The following SMG1 variants were observed in gnomAD, a reference collection of about 807,000 sequenced individuals.
SMG1 encodes the protein serine/threonine-protein kinase SMG1.
SMG1 carries 22 observed loss-of-function variants against 419.9 expected under a neutral mutation model. The ratio of observed to expected loss-of-function variants is 0.05; its 90% CI spans 0.04 to 0.07. SMG1 has a LOEUF of 0.07. Ranked by LOEUF, SMG1 falls within the 10% of genes least tolerant of loss-of-function variation. The pLI is 1.00. For synonymous variants in SMG1, 1,538 were observed against 1,553.5 expected (o/e 0.99, Z 0.23); for missense variants, 3,185 against 4,342.0 (o/e 0.73, Z 7.49).
intron 45 of SMG1, 47 bp downstream of exon 45, chr16:18,837,962 TTACTC>T: frequency 1.3e-6 from 2 of 1,565,860 alleles, no homozygotes; most frequent in African/African-American, 1.4e-5. Flanking sequence ...ATGAGCATGT[TTACTC>T]TATTAATAAA....
intron 51 of SMG1, among the ~76,000 whole-genome samples, chr16:18,832,360 A>C (rs1266045705): frequency 6.6e-6 from 1 of 152,222 alleles, no homozygotes; most frequent in African/African-American, 2.4e-5. Flanking sequence ...TGAAAAATAC[A>C]ATATCCAATT....
At chr16:18,851,311 A>G (rs2650611) in intron 33 of SMG1, among the ~76,000 whole-genome samples, 74,887 of 152,168 alleles carry the variant, frequency 0.49, 18,826 homozygotes, top group Middle Eastern at 0.59. Context: ...GGAACTCTGA[A>G]GGGAGAGAGT....
intron 48 of SMG1, 86 bp downstream of exon 48, chr16:18,835,847 C>T: frequency 7.4e-7 from 1 of 1,357,966 alleles, no homozygotes; most frequent in Admixed American, 2.1e-5. Context: ...TGCAGTGAGC[C>T]AAGATCATGC....
chr16:18,814,292 A>C (rs2141094006), intron 60 of SMG1, among the ~76,000 whole-genome samples: 1 of 151,594 alleles, frequency 6.6e-6, no homozygotes, highest in Admixed American at 6.6e-5. Flanking sequence ...GGAACTACAA[A>C]TTCTTCATTT....
In SMG1 at chr16:18,836,028, G is replaced by T; in HGVS notation, c.7962C>A (p.Ala2654=). The T allele has an allele frequency of 6.3e-7, 1 of 1,580,362 alleles. No individual in the cohort carries two copies. The highest frequency in any genetic ancestry group is 8.6e-7 in the Non-Finnish European group (1 of 1,162,786). ...YATVALQYPK[A]IFQKHRIEQW... is the part of the protein sequence containing the mutation. ...GTTCAATTCGATGTTTCTGAAATAT[G>T]GCCTTCGGATACTGCAGGGCCACGG... is the stretch of plus-strand genomic sequence containing the variant. Residue 2654 remains alanine, a synonymous_variant, in exon 48 of 63, where the codon GCC becomes GCA. Transcript: ENST00000446231.
At chr16:18,819,786 T>G in intron 55 of SMG1, 132 bp from the exon 56 acceptor site, 2 of 892,198 alleles carry the variant, frequency 2.2e-6, no homozygotes, top group Non-Finnish European at 3.2e-6. Flanking sequence ...AACAAAAGTT[T>G]TAACAATCAC....
chr16:18,816,581 TTC>T lies in SMG1; in HGVS notation c.10075-54_10075-53del, dbSNP rs1413997602. 5.5e-6 allele frequency: 8 copies of T among 1,459,626 alleles called. No individual in the cohort carries two copies. In the African/African-American group the frequency reaches 7.0e-5, roughly 13 times the overall value. The allele number at this position is 1,459,626 out of a possible 1,614,324, so 90.4% of individuals were successfully genotyped here. A position where few individuals can be genotyped will look rare whatever the true frequency, so the allele number is the denominator to read the frequency against. On this transcript the variant is annotated intron_variant, in intron 57 of 62. Coordinates refer to ENST00000446231, the MANE Select transcript of SMG1 (RefSeq NM_015092.5). ...TTCGAGTATCAGCTGAAATAATGAG[TTC>T]TTTCTTCATTAACATCATCAAAAGA...
rs753025812 is a variant in SMG1, at chr16:18,926,071, C to A, written c.-30G>T. On this transcript the variant is annotated 5_prime_UTR_variant, in exon 1 of 63. Transcript: ENST00000446231. ...TTCCCCGACACGACATGGCCAAGCG[C>A]CGCCGCCCAAAGAAGCGCGAGTCGC... The A allele has an allele frequency of 4.5e-6, 7 of 1,539,128 alleles. No homozygotes were observed. In the Admixed American group the frequency reaches 1.3e-4, roughly 29 times the overall value.
chr16:18,850,130 A>G lies in SMG1; in HGVS notation c.5284-4T>C, dbSNP rs1316572940. On this transcript the variant is annotated splice_region_variant and splice_polypyrimidine_tract_variant and intron_variant, in intron 34 of 62. Transcript: ENST00000446231. ...GGTCATCCTCATCTAAAGGAATCTAAGAGTGAAAGATGAGGGGAATAAATA... is the reference window on the plus strand; with the variant it reads ...GGTCATCCTCATCTAAAGGAATCTAGGAGTGAAAGATGAGGGGAATAAATA... The G allele has an allele frequency of 6.2e-7, 1 of 1,609,764 alleles. No individual in the cohort carries two copies.
At chr16:18,895,803 A>G (rs2037099225) in intron 3 of SMG1, among the ~76,000 whole-genome samples, 2 of 152,192 alleles carry the variant, frequency 1.3e-5, no homozygotes, top group South Asian at 2.1e-4. Context: ...TATACATTCA[A>G]TATCCACGAT....
Position 18,876,403 on chromosome 16 carries a change from A to G in SMG1, c.1621-10T>C, listed in dbSNP as rs1173910384. On this transcript the variant is annotated splice_polypyrimidine_tract_variant and intron_variant, in intron 12 of 62. Transcript: ENST00000446231. ...GGGCTACAGCAACAACCTGAAAAAC[A>G]AAAAATTCAAGGAAGTGATAAATGG... The G allele has an allele frequency of 1.9e-6, 3 of 1,590,076 alleles. No individual in the cohort carries two copies. Among genetic ancestry groups the G allele is most frequent in the Non-Finnish European group, 2.6e-6 (3 of 1,168,086 alleles).
chr16:18,827,210 T>A (rs1273694742), intron 55 of SMG1, among the ~76,000 whole-genome samples: 1 of 152,038 alleles, frequency 6.6e-6, no homozygotes, highest in Non-Finnish European at 1.5e-5. Flanking sequence ...GCAGATCACC[T>A]GAGGTCAGGA....
At chr16:18,869,506 A>G (rs1053040177) in intron 19 of SMG1, among the ~76,000 whole-genome samples, 45 of 152,172 alleles carry the variant, frequency 3.0e-4, no homozygotes, top group Non-Finnish European at 5.1e-4. Flanking sequence ...GTGTGGAAGG[A>G]TGATTAGGGT....
At chr16:18,817,118 C>CA (rs1471655557) in intron 57 of SMG1, among the ~76,000 whole-genome samples, 173 bp downstream of exon 57, 1 of 87,594 alleles carries the variant, frequency 1.1e-5, no homozygotes, top group African/African-American at 6.1e-5. Flanking sequence ...TGTTTCGGGG[C>CA]GGGGGGGGGG....
chr16:18,881,863 A>G (rs1431618173), intron 10 of SMG1, among the ~76,000 whole-genome samples: 1 of 152,152 alleles, frequency 6.6e-6, no homozygotes, highest in Admixed American at 6.5e-5. Context: ...GAAACCCAAT[A>G]ATTTAAAAGT....
intron 13 of SMG1, 31 bp downstream of exon 13, chr16:18,876,093 T>G: frequency 6.2e-7 from 1 of 1,609,480 alleles, no homozygotes; most frequent in South Asian, 1.1e-5. Context: ...TAACTGTGGA[T>G]AAAACAAAGT....
chr16:18,816,159 G>GT, intron 58 of SMG1, 143 bp downstream of exon 58: 2 of 686,028 alleles, frequency 2.9e-6, no homozygotes, highest in Non-Finnish European at 4.8e-6. Flanking sequence ...GAAAACACAA[G>GT]TTAACTCAGT....
At chr16:18,853,471 C>T in intron 31 of SMG1, 112 bp downstream of exon 31, 1 of 973,432 alleles carries the variant, frequency 1.0e-6, no homozygotes, top group African/African-American at 1.6e-5. Flanking sequence ...ACTCAACTTC[C>T]ACAGATATAC....
rs180919907 is a variant in SMG1, at chr16:18,910,212, T to C, written c.93-13256A>G. Among the ~76,000 whole-genome samples, 20 of 148,796 alleles carry C rather than the reference T, an allele frequency of 1.3e-4. No homozygotes were observed. In the East Asian group the frequency reaches 3.8e-3, roughly 28 times the overall value. On this transcript the variant is annotated intron_variant, in intron 1 of 62. Coordinates refer to ENST00000446231, the MANE Select transcript of SMG1 (RefSeq NM_015092.5). The stretch of plus-strand genomic sequence containing the variant: ...CTCCCAAGTAGGTGGGACTAGAAAC[T>C]CACGCCACCATGCCCAGCTATTTTT...
Sources: gnomAD v4.1 joint callset for allele counts (sites outside exome capture counted in the v4.1 genomes callset) on GRCh38, gnomAD v4.1.1 for gene constraint, MANE v1.5 for transcripts, NCBI Gene and HGNC (gene_info 2026-07-23, HGNC 2026-07-21) for gene names.